PPARGC1A: variants seen among roughly 807,000 people sequenced by gnomAD.
PPARGC1A encodes PPARG coactivator 1 alpha.
In PPARGC1A, 25 loss-of-function variants were observed where a neutral mutation model predicts 88.7. That is an observed-to-expected ratio of 0.28 (90% CI 0.21 to 0.39). The LOEUF (loss-of-function observed/expected upper bound fraction) is 0.39, where lower values mean the gene tolerates loss of function less well. Among genes scored for constraint, PPARGC1A ranks in the 10% least tolerant of loss-of-function variants. The pLI is 1.00. For missense variants in PPARGC1A, 880 were observed against 968.7 expected (o/e 0.91, Z 1.22); for synonymous variants, 363 against 355.6 (o/e 1.02, Z -0.24).
chr4:24,387,759 AGAG>A, the PPARGC1A span, among the ~76,000 whole-genome samples: 30 of 81,774 alleles, frequency 3.7e-4, no homozygotes, highest in African/African-American at 1.5e-3. Context: ...AGAGAGAGAG[AGAG>A]AGAGAGAAAG....
At chr4:23,910,720 G>T in the PPARGC1A span, among the ~76,000 whole-genome samples, 1 of 151,594 alleles carries the variant, frequency 6.6e-6, no homozygotes, top group African/African-American at 2.4e-5. Context: ...TTACAGGTGT[G>T]AGCCACCGTG....
the PPARGC1A span, among the ~76,000 whole-genome samples, chr4:24,050,194 C>T: frequency 3.1e-5 from 4 of 127,828 alleles, no homozygotes; most frequent in East Asian, 2.3e-4. Flanking sequence ...CTTAGGTGAC[C>T]TTTTGTTTTT....
the PPARGC1A span, among the ~76,000 whole-genome samples, chr4:24,283,126 G>A: frequency 6.6e-6 from 1 of 152,272 alleles, no homozygotes; most frequent in Admixed American, 6.5e-5. Context: ...ACCCCCTTGT[G>A]AGGCTCATTA....
rs1010547668 is a variant in PPARGC1A, at chr4:23,792,174, C to T, written c.*3648G>A. 2 of 152,626 alleles carry T rather than the reference C, an allele frequency of 1.3e-5. No individual in the cohort carries two copies. The highest frequency in any genetic ancestry group is 4.8e-5 in the African/African-American group (2 of 41,452). 9.5% of individuals were successfully genotyped at this position (152,626 alleles called of 1,614,324 possible). On this transcript the variant is annotated 3_prime_UTR_variant, in exon 13 of 13. Transcript: ENST00000264867. ...GAAAAAAGGCCCGGCAAGGGCTCAA[C>T]TAATCGCTCACTTTCCCTCTTCAGC... is the stretch of plus-strand genomic sequence containing the variant.
the PPARGC1A span, among the ~76,000 whole-genome samples, chr4:24,472,741 C>T: frequency 6.6e-6 from 1 of 151,658 alleles, no homozygotes; most frequent in Non-Finnish European, 1.5e-5. This position sits in a 1 kb window ranked among gnomAD's most constrained non-coding sequence, Gnocchi z 4.5. Context: ...CTTGGGCAGC[C>T]GCCGCCGCCG....
chr4:24,273,992 A>G, the PPARGC1A span, among the ~76,000 whole-genome samples: 2 of 150,790 alleles, frequency 1.3e-5, no homozygotes, highest in Admixed American at 1.3e-4. Context: ...CACCGCCTCA[A>G]CCTCCCAAAG....
At chr4:24,194,668 A>ACACAC in the PPARGC1A span, among the ~76,000 whole-genome samples, 5 of 12,264 alleles carry the variant, frequency 4.1e-4, no homozygotes, top group Non-Finnish European at 8.9e-4. Flanking sequence ...ACACACACAC[A>ACACAC]CCCCCATCAA....
the PPARGC1A span, among the ~76,000 whole-genome samples, chr4:24,150,663 C>T: frequency 3.5e-4 from 53 of 152,176 alleles, no homozygotes; most frequent in African/African-American, 1.1e-3. Flanking sequence ...ATAGTAATAG[C>T]GATCTTTTCA....
the PPARGC1A span, among the ~76,000 whole-genome samples, chr4:24,342,475 C>T: frequency 3.9e-5 from 6 of 151,954 alleles, no homozygotes; most frequent in South Asian, 2.1e-4. Flanking sequence ...ATCTATTACA[C>T]TAACCAGCCT....
chr4:24,393,955 C>CA, the PPARGC1A span, among the ~76,000 whole-genome samples: 1 of 152,048 alleles, frequency 6.6e-6, no homozygotes, highest in Non-Finnish European at 1.5e-5. Flanking sequence ...CCTGTTTCTA[C>CA]AAAAAATATA....
chr4:24,058,711 C>A, the PPARGC1A span, among the ~76,000 whole-genome samples: 8 of 152,274 alleles, frequency 5.3e-5, no homozygotes, highest in South Asian at 1.4e-3. Flanking sequence ...CTTTGGGAGG[C>A]AGAGTGGGTG....
At chr4:23,914,580 CA>C in the PPARGC1A span, among the ~76,000 whole-genome samples, 1 of 152,172 alleles carries the variant, frequency 6.6e-6, no homozygotes, top group Non-Finnish European at 1.5e-5. Context: ...ACAGCCAACA[CA>C]AATGTGTTGA....
At chr4:24,243,617 T>C in the PPARGC1A span, among the ~76,000 whole-genome samples, 2 of 152,066 alleles carry the variant, frequency 1.3e-5, no homozygotes, top group Non-Finnish European at 1.5e-5. Flanking sequence ...TTTGCCAAGG[T>C]TTTCTTAATT....
At chr4:23,996,068 G>A in the PPARGC1A span, among the ~76,000 whole-genome samples, 3 of 152,146 alleles carry the variant, frequency 2.0e-5, no homozygotes, top group Admixed American at 6.6e-5. Context: ...TCAGGGGATA[G>A]TAGTGAAAGG....
chr4:24,125,432 T>C, the PPARGC1A span, among the ~76,000 whole-genome samples: 2 of 152,054 alleles, frequency 1.3e-5, no homozygotes, highest in African/African-American at 4.8e-5. Context: ...GACCCCTAGC[T>C]CCACACCCCA....
the PPARGC1A span, among the ~76,000 whole-genome samples, chr4:24,413,158 G>A: frequency 1.3e-5 from 2 of 151,278 alleles, no homozygotes; most frequent in South Asian, 2.1e-4. Flanking sequence ...TTTTGACTCC[G>A]CCAACAGTAA....
chr4:24,356,276 A>G, the PPARGC1A span, among the ~76,000 whole-genome samples: 1 of 152,096 alleles, frequency 6.6e-6, no homozygotes, highest in African/African-American at 2.4e-5. Flanking sequence ...AGGGGAAGCT[A>G]CAGGGATTCC....
chr4:23,928,756 A>G, the PPARGC1A span, among the ~76,000 whole-genome samples: 1 of 1,968 alleles, frequency 5.1e-4, no homozygotes, highest in Non-Finnish European at 0.011. Flanking sequence ...CCAGCCACAA[A>G]AAAACAAAAA....
the PPARGC1A span, among the ~76,000 whole-genome samples, chr4:24,111,404 T>C: frequency 6.6e-6 from 1 of 152,190 alleles, no homozygotes. Context: ...AAGATATTTT[T>C]TGACACACAT....
Sources: gnomAD v4.1 joint callset for allele counts (sites outside exome capture counted in the v4.1 genomes callset) on GRCh38, gnomAD v4.1.1 for gene constraint, Gnocchi (gnomAD v3.1) non-coding constraint, MANE v1.5 for transcripts, NCBI Gene and HGNC (gene_info 2026-07-23, HGNC 2026-07-21) for gene names.